TUB: variants seen among roughly 807,000 people sequenced by gnomAD.
TUB encodes TUB bipartite transcription factor, also known as tubby protein homolog.
TUB carries 33 observed loss-of-function variants against 59.7 expected under a neutral mutation model. That is an observed-to-expected ratio of 0.55 (90% CI 0.42 to 0.74). The LOEUF is 0.74. Among genes scored for constraint, TUB ranks in the 30% least tolerant of loss-of-function variants. The pLI is 0.00. For missense variants in TUB, 659 were observed against 672.0 expected (o/e 0.98, Z 0.21); for synonymous variants, 293 against 256.4 (o/e 1.14, Z -1.36).
At chr11:8,069,551 A>G (rs772972623) in intron 2 of TUB, among the ~76,000 whole-genome samples, 3 of 152,020 alleles carry the variant, frequency 2.0e-5, no homozygotes, top group African/African-American at 4.8e-5. Context: ...GTATTTTCCT[A>G]TCTAATGGGA....
Position 8,071,133 on chromosome 11 carries a change from C to T in TUB, c.204-18477C>T, listed in dbSNP as rs184205355. On this transcript the variant is annotated intron_variant, in intron 2 of 12. Coordinates refer to the TUB transcript ENST00000305253. ...CACTCATCACCTCGACTCTTTTTCA[C>T]GGAGAGGGTGGGAGGGACTTCAGAC... Among the ~76,000 whole-genome samples, 193 of 152,232 alleles carry T rather than the reference C, an allele frequency of 1.3e-3. 1 individual carries two copies. Among genetic ancestry groups the T allele is most frequent in the Non-Finnish European group, 2.1e-3 (144 of 68,004 alleles).
At chr11:8,065,326 C>A (rs1281454715) in intron 2 of TUB, among the ~76,000 whole-genome samples, 1 of 152,050 alleles carries the variant, frequency 6.6e-6, no homozygotes, top group African/African-American at 2.4e-5. Flanking sequence ...GGTGCTGGAG[C>A]GGGTGGTAAT....
At chr11:8,039,040 A>C (rs775523519) in intron 1 of TUB, 1 of 1,611,324 alleles carries the variant, frequency 6.2e-7, no homozygotes, top group Admixed American at 1.7e-5. Flanking sequence ...TAAGCTTTCA[A>C]CATCCTGCCT....
In TUB at chr11:8,104,536, G is replaced by A. The variant is rs1026181491; in HGVS notation, c.*2917G>A. On this transcript the variant is annotated 3_prime_UTR_variant, in exon 12 of 12. Coordinates refer to ENST00000299506, the MANE Select transcript of TUB (RefSeq NM_177972.3). ...TCCTGAGAATGAATGAGTAGGAAAG[G>A]AATAAGGATGTTGTTATGATCGCCT... is the stretch of plus-strand genomic sequence containing the variant. The A allele has an allele frequency of 8.5e-5, 13 of 152,208 alleles. No homozygotes were observed. Among genetic ancestry groups the A allele is most frequent in the Non-Finnish European group, 2.9e-5 (2 of 68,036 alleles). The allele number at this position is 152,208 out of a possible 1,614,324, so 9.4% of individuals were successfully genotyped here.
At chr11:8,025,337 G>A (rs546192018) in intron 1 of TUB, among the ~76,000 whole-genome samples, 1 of 152,286 alleles carries the variant, frequency 6.6e-6, no homozygotes, top group Non-Finnish European at 1.5e-5. Context: ...AAAGAGGCGA[G>A]GGAATGAGTC....
chr11:8,082,393 C>T (rs901457258), intron 1 of TUB, among the ~76,000 whole-genome samples: 1 of 152,084 alleles, frequency 6.6e-6, no homozygotes, highest in Non-Finnish European at 1.5e-5. Context: ...CTCTGGGGGG[C>T]CCCTCACAGG....
At chr11:8,070,708 G>T (rs1314930405) in intron 2 of TUB, among the ~76,000 whole-genome samples, 1 of 152,200 alleles carries the variant, frequency 6.6e-6, no homozygotes, top group African/African-American at 2.4e-5. Context: ...TAGGGCTTTG[G>T]CTTGCGGGGC....
upstream of TUB, among the ~76,000 whole-genome samples, chr11:8,037,517 G>C (rs1275069272): frequency 2.0e-5 from 3 of 152,178 alleles, no homozygotes; most frequent in Non-Finnish European, 4.4e-5. Flanking sequence ...GTCCAGCTTT[G>C]CATCTGGGTA....
At chr11:8,099,613 T>C (rs1944165457) in intron 9 of TUB, among the ~76,000 whole-genome samples, 1 of 152,218 alleles carries the variant, frequency 6.6e-6, no homozygotes, top group Non-Finnish European at 1.5e-5. Context: ...TATACCTTTA[T>C]GGGACTTAAA....
At chr11:8,029,665 A>G (rs549954004) in intron 1 of TUB, among the ~76,000 whole-genome samples, 33 of 152,118 alleles carry the variant, frequency 2.2e-4, no homozygotes, top group Non-Finnish European at 4.4e-4. Context: ...CTGGGATTAC[A>G]GGTATGAGCC....
chr11:8,044,252 T>C (rs1260273397), intron 2 of TUB, among the ~76,000 whole-genome samples: 1 of 152,210 alleles, frequency 6.6e-6, no homozygotes, highest in African/African-American at 2.4e-5. Context: ...TTTTTCAGTA[T>C]TTTTCTGTGT....
In TUB at chr11:8,090,146, C is replaced by T. The variant is rs1038236560; in HGVS notation, c.168C>T (p.Pro56=). The change falls in exon 3 of 12, where the codon CCC becomes CCT. Residue 56 remains proline (P), a synonymous_variant. Transcript: ENST00000299506. ...TGCAGGCCAATGCAGATGGGCGGCCCCGGAGCCGGCGGGCCCGGCAGTCAG... is the reference window on the plus strand; with the variant it reads ...TGCAGGCCAATGCAGATGGGCGGCCTCGGAGCCGGCGGGCCCGGCAGTCAG... ...LMVQANADGR[P]RSRRARQSEE... The T allele has an allele frequency of 6.2e-7, 1 of 1,613,622 alleles. No homozygotes were observed. Among genetic ancestry groups the T allele is most frequent in the Admixed American group, 1.7e-5 (1 of 60,026 alleles).
rs1942889609 is a variant in TUB at position 8,049,338 on chromosome 11, A to G, written c.203+9646A>G. Among the ~76,000 whole-genome samples, 3 of 152,142 alleles carry G rather than the reference A, an allele frequency of 2.0e-5. No individual in the cohort carries two copies. In the South Asian group the frequency reaches 6.2e-4, roughly 32 times the overall value. On this transcript the variant is annotated intron_variant, in intron 2 of 12. Coordinates refer to the TUB transcript ENST00000305253. ...TATTTTAGAACTTGAAGGGTGCCGT[A>G]TTGGAGGCCATCCTAGACCAACTAA...
intron 2 of TUB, among the ~76,000 whole-genome samples, chr11:8,049,354 G>A (rs1942889763): frequency 6.6e-6 from 1 of 152,084 alleles, no homozygotes; most frequent in South Asian, 2.1e-4. Context: ...GGCCATCCTA[G>A]ACCAACTAAA....
At chr11:8,036,957 A>G (rs1348317298), upstream of TUB, among the ~76,000 whole-genome samples, 1 of 152,238 alleles carries the variant, frequency 6.6e-6, no homozygotes, top group African/African-American at 2.4e-5. Context: ...GAGCTTTGGC[A>G]GGAAGGAAAC....
intron 3 of TUB, among the ~76,000 whole-genome samples, chr11:8,092,029 G>C (rs577797941): frequency 6.6e-5 from 10 of 152,360 alleles, no homozygotes; most frequent in African/African-American, 2.4e-4. Context: ...CATCGTGAGA[G>C]GTCATTGACG....
chr11:8,047,741 T>C (rs1942858497), intron 2 of TUB, among the ~76,000 whole-genome samples: 1 of 152,170 alleles, frequency 6.6e-6, no homozygotes, highest in African/African-American at 2.4e-5. Context: ...CATCCAAACC[T>C]GCACGGAGCC....
At chr11:8,095,455 C>A in intron 4 of TUB, 43 bp from the exon 5 acceptor site, 2 of 1,567,220 alleles carry the variant, frequency 1.3e-6, no homozygotes, top group Non-Finnish European at 1.7e-6. Context: ...AGGCCCTCCT[C>A]TCCTCCTCCT....
intron 2 of TUB, among the ~76,000 whole-genome samples, chr11:8,058,961 G>T (rs181810776): frequency 6.6e-6 from 1 of 152,132 alleles, no homozygotes; most frequent in Admixed American, 6.5e-5. Flanking sequence ...TTGAGTCTAC[G>T]CATGCAGACA....
Sources: allele counts gnomAD v4.1 joint callset (sites outside exome capture counted in the v4.1 genomes callset), GRCh38; gene constraint gnomAD v4.1.1; transcripts MANE v1.5; gene names NCBI Gene and HGNC (gene_info 2026-07-23, HGNC 2026-07-21).